LCORL: variants seen among roughly 807,000 people sequenced by gnomAD.
LCORL encodes ligand dependent nuclear receptor corepressor like.
In LCORL, 41 loss-of-function variants were observed where a neutral mutation model predicts 141.8. The observed-to-expected ratio is 0.29, with a 90% confidence interval of 0.23 to 0.38. LCORL has a LOEUF of 0.38. LCORL is among the 10% of genes least tolerant of loss of function. The probability of loss-of-function intolerance (pLI) is 1.00; values close to 1 mark genes in which losing one functional copy is unlikely to be tolerated. For missense variants in LCORL, 1,759 were observed against 2,035.0 expected (o/e 0.86, Z 2.61); for synonymous variants, 618 against 694.1 (o/e 0.89, Z 1.72).
At position 17,873,897 on chromosome 4, in the gene LCORL, G is replaced by A. The variant is rs544046493; in HGVS notation, c.5093C>T (p.Thr1698Ile). Reference sequence around the variant, plus strand: ...TTGAAAGTCTTTTTGGCTGCAATTTGTTCCATTCTCTTTTGCTTCTGACTT... The same window carrying A: ...TTGAAAGTCTTTTTGGCTGCAATTTATTCCATTCTCTTTTGCTTCTGACTT... The change falls in exon 7 of 8, where the codon ACA (threonine) becomes ATA (isoleucine). Residue 1698 changes from threonine (T) to isoleucine (I), a missense_variant. By Grantham distance (89) the Thr-to-Ile change is moderately conservative. This residue lies in a region of LCORL where 313 missense variants were observed against 336.1 expected (regional missense o/e 0.93). Transcript: ENST00000635767. The A allele has an allele frequency of 7.3e-6, 9 of 1,233,946 alleles. 1 individual carries two copies. The South Asian group carries it at 3.3e-4, about 45-fold the overall frequency. 76.4% of individuals were successfully genotyped at this position (1,233,946 alleles called of 1,614,324 possible).
At chr4:17,996,554 G>C (rs1720948602) in intron 1 of LCORL, among the ~76,000 whole-genome samples, 1 of 151,976 alleles carries the variant, frequency 6.6e-6, no homozygotes, top group Non-Finnish European at 1.5e-5. Flanking sequence ...ATGGAAGAAA[G>C]GGAAATGGAC....
chr4:18,010,429 T>C (rs1723544942), intron 1 of LCORL, among the ~76,000 whole-genome samples: 1 of 152,054 alleles, frequency 6.6e-6, no homozygotes, highest in African/African-American at 2.4e-5. Context: ...TATATGTATG[T>C]ATGTATATAT....
intron 1 of LCORL, among the ~76,000 whole-genome samples, chr4:17,985,225 G>GA (rs1718752813): frequency 6.6e-6 from 1 of 152,092 alleles, no homozygotes; most frequent in East Asian, 1.9e-4. Flanking sequence ...GCCATGTGGT[G>GA]ATGAGAAGTA....
At chr4:17,873,501 T>C in exon 7 of LCORL, 1 of 1,233,866 alleles carries the variant, frequency 8.1e-7, no homozygotes, top group Non-Finnish European at 1.0e-6. Flanking sequence ...TTTGTTCAAA[T>C]TGCTAAGAAC....
chr4:17,905,761 T>G (rs1052994768), intron 5 of LCORL, among the ~76,000 whole-genome samples: 13 of 152,046 alleles, frequency 8.6e-5, no homozygotes, highest in Admixed American at 2.0e-4. Flanking sequence ...ACTCACCAAA[T>G]AAATAACTGG....
At chr4:17,852,675 C>A (rs1000922497) in intron 7 of LCORL, among the ~76,000 whole-genome samples, 5 of 152,108 alleles carry the variant, frequency 3.3e-5, no homozygotes, top group African/African-American at 1.2e-4. Context: ...ATTTTCAATA[C>A]TTTGGTAATC....
At chr4:17,975,007 C>G (rs1051077924) in intron 1 of LCORL, among the ~76,000 whole-genome samples, 1 of 151,898 alleles carries the variant, frequency 6.6e-6, no homozygotes, top group South Asian at 2.1e-4. Context: ...TTTTATTGAT[C>G]TTTTTACAAA....
intron 4 of LCORL, among the ~76,000 whole-genome samples, chr4:17,939,039 C>T (rs564479360): frequency 6.6e-6 from 1 of 152,314 alleles, no homozygotes; most frequent in South Asian, 2.1e-4. Flanking sequence ...AATTATCTGA[C>T]AAAGGACTTT....
Position 17,881,737 on chromosome 4 carries a change from T to C in LCORL, c.777-3524A>G, listed in dbSNP as rs79801120. 5.4e-4 allele frequency: 516 copies of C among 955,096 alleles called. 3 individuals are homozygous for C. The African/African-American group carries it at 8.4e-3, about 16-fold the overall frequency. 59.2% of individuals were successfully genotyped at this position (955,096 alleles called of 1,614,324 possible). ...AGGAATAAAAAAGCTCAATACAATA[T>C]AAATATTATGTAATGCATTCAAAGC... On this transcript the variant is annotated intron_variant, in intron 6 of 7. Transcript: ENST00000635767.
chr4:17,954,737 T>C (rs1218532279), intron 4 of LCORL, among the ~76,000 whole-genome samples: 2 of 152,114 alleles, frequency 1.3e-5, no homozygotes, highest in East Asian at 1.9e-4. Context: ...GACTTGATAA[T>C]AGGTTGCATG....
chr4:17,899,173 T>C (rs1296484653), intron 5 of LCORL, among the ~76,000 whole-genome samples: 3 of 152,232 alleles, frequency 2.0e-5, no homozygotes, highest in Non-Finnish European at 4.4e-5. Context: ...ATTAGAATCA[T>C]TCATTTTTTA....
intron 7 of LCORL, among the ~76,000 whole-genome samples, chr4:17,851,861 A>T (rs1372815959): frequency 6.6e-6 from 1 of 152,158 alleles, no homozygotes; most frequent in Admixed American, 6.5e-5. Flanking sequence ...ATCTTTGAAA[A>T]TCTGATGTTA....
At chr4:17,864,825 G>A (rs1037572080) in intron 7 of LCORL, among the ~76,000 whole-genome samples, 3 of 152,182 alleles carry the variant, frequency 2.0e-5, no homozygotes, top group Non-Finnish European at 2.9e-5. Flanking sequence ...GATAACAGTA[G>A]TGAAAAGCAA....
exon 8 of LCORL, chr4:17,843,308 T>C (rs1260012393): frequency 1.2e-6 from 2 of 1,611,208 alleles, no homozygotes; most frequent in African/African-American, 2.7e-5. Flanking sequence ...TTAGTGATCA[T>C]GAAGTTCCAG....
exon 7 of LCORL, chr4:17,877,392 T>A: frequency 8.1e-7 from 1 of 1,230,372 alleles, no homozygotes; most frequent in Non-Finnish European, 1.0e-6. Flanking sequence ...ATTAATGCGA[T>A]CCATTAAATC....
chr4:17,994,371 CTA>C (rs1202489153), intron 1 of LCORL, among the ~76,000 whole-genome samples: 1 of 152,078 alleles, frequency 6.6e-6, no homozygotes, highest in Non-Finnish European at 1.5e-5. Context: ...CACCCAAACC[CTA>C]TAAAATGTGG....
At chr4:17,909,199 A>G (rs773209290) in exon 5 of LCORL, 2 of 1,613,540 alleles carry the variant, frequency 1.2e-6, no homozygotes, top group Non-Finnish European at 1.7e-6. Flanking sequence ...ATACTTTTAC[A>G]TACTATACTT....
chr4:17,878,313 T>G, intron 6 of LCORL, 100 bp from the exon 7 acceptor site: 2 of 760,850 alleles, frequency 2.6e-6, no homozygotes, highest in Non-Finnish European at 3.6e-6. Flanking sequence ...TTGGTATTGC[T>G]GGACTCCTGA....
intron 1 of LCORL, among the ~76,000 whole-genome samples, chr4:18,003,492 G>C (rs1410009667): frequency 6.6e-6 from 1 of 152,202 alleles, no homozygotes; most frequent in Non-Finnish European, 1.5e-5. Flanking sequence ...ATTTGGTAGA[G>C]AGAGATCAAG....
Sources: gnomAD v4.1 joint callset for allele counts (sites outside exome capture counted in the v4.1 genomes callset) on GRCh38, gnomAD v4.1.1 for gene constraint, gnomAD v4.1.1 regional missense constraint, MANE v1.5 for transcripts, NCBI Gene and HGNC (gene_info 2026-07-23, HGNC 2026-07-21) for gene names.